The following PALM2AKAP2 variants were observed in gnomAD, a reference collection of about 807,000 sequenced individuals.
PALM2AKAP2 encodes the protein PALM2-AKAP2 fusion protein.
Under a neutral mutation model 71.5 loss-of-function variants are expected in PALM2AKAP2, and 37 were observed. The ratio of observed to expected loss-of-function variants is 0.52; its 90% CI spans 0.40 to 0.68. PALM2AKAP2 has a LOEUF of 0.68. Among genes scored for constraint, PALM2AKAP2 ranks in the 30% least tolerant of loss-of-function variants. PALM2AKAP2 has a pLI of 0.00. For synonymous variants in PALM2AKAP2, 468 were observed against 478.8 expected (o/e 0.98, Z 0.29); for missense variants, 1,224 against 1,191.8 (o/e 1.03, Z -0.40).
chr9:109,710,203 T>C (rs1378765713), intron 1 of PALM2AKAP2, among the ~76,000 whole-genome samples: 5 of 152,208 alleles, frequency 3.3e-5, no homozygotes, highest in Admixed American at 6.5e-5. Flanking sequence ...CCTCCAGAAC[T>C]GTGAGAGGAT....
intron 6 of PALM2AKAP2, among the ~76,000 whole-genome samples, chr9:109,976,802 T>C (rs1832179750): frequency 6.6e-6 from 1 of 152,002 alleles, no homozygotes; most frequent in African/African-American, 2.4e-5. Flanking sequence ...ATATGAAGAG[T>C]CTGAGGCTCA....
chr9:109,747,044 C>G (rs1828813794), intron 1 of PALM2AKAP2, among the ~76,000 whole-genome samples: 1 of 152,190 alleles, frequency 6.6e-6, no homozygotes, highest in African/African-American at 2.4e-5. Context: ...ACCATAAACA[C>G]AAGCTACTGC....
exon 2 of PALM2AKAP2, chr9:110,136,880 A>T (rs1025840684): frequency 6.2e-7 from 1 of 1,614,208 alleles, no homozygotes; most frequent in African/African-American, 1.3e-5. Flanking sequence ...TTCAGAGGAG[A>T]TGCTGGAGCT....
intron 1 of PALM2AKAP2, among the ~76,000 whole-genome samples, chr9:110,053,542 A>AAG (rs1554744077): frequency 2.6e-5 from 4 of 150,948 alleles, no homozygotes; most frequent in Non-Finnish European, 5.9e-5. Flanking sequence ...AAAAAAAAAA[A>AAG]AAAAAAGAAA....
intron 1 of PALM2AKAP2, among the ~76,000 whole-genome samples, chr9:109,812,531 G>A (rs929575710): frequency 2.0e-5 from 3 of 152,152 alleles, no homozygotes; most frequent in African/African-American, 7.2e-5. Flanking sequence ...GAAGCAAGGC[G>A]CGGCTGATGA....
intron 1 of PALM2AKAP2, among the ~76,000 whole-genome samples, chr9:110,084,422 A>G (rs370246888): frequency 6.6e-6 from 1 of 152,202 alleles, no homozygotes; most frequent in East Asian, 1.9e-4. Flanking sequence ...CAACAATGGA[A>G]AAATCACAAA....
At chr9:109,768,483 C>T (rs983645920) in intron 1 of PALM2AKAP2, among the ~76,000 whole-genome samples, 2 of 152,182 alleles carry the variant, frequency 1.3e-5, no homozygotes, top group African/African-American at 4.8e-5. Flanking sequence ...TCCAGCACCT[C>T]AAGCTTTTAT....
intron 1 of PALM2AKAP2, among the ~76,000 whole-genome samples, chr9:109,741,721 C>T (rs1053568122): frequency 1.3e-5 from 2 of 152,248 alleles, no homozygotes; most frequent in Admixed American, 6.5e-5. Flanking sequence ...AGGATTTTCT[C>T]GTAGAAACAT....
upstream of PALM2AKAP2, among the ~76,000 whole-genome samples, chr9:109,776,515 C>G (rs959518319): frequency 2.6e-5 from 4 of 152,232 alleles, no homozygotes; most frequent in Admixed American, 1.3e-4. Context: ...AAGGAATTCT[C>G]TAACATGCTC....
chr9:109,944,405 A>G (rs550196229), intron 6 of PALM2AKAP2: 3 of 152,284 alleles, frequency 2.0e-5, no homozygotes, highest in African/African-American at 2.4e-5. Flanking sequence ...AATGGTTGCC[A>G]TGATGCTCCC....
chr9:109,941,343 A>T (rs1831361307), intron 6 of PALM2AKAP2, among the ~76,000 whole-genome samples: 1 of 152,114 alleles, frequency 6.6e-6, no homozygotes, highest in Non-Finnish European at 1.5e-5. Flanking sequence ...AGAGCAGAGG[A>T]GGGCCTGGAC....
At chr9:109,846,393 G>A (rs1464136887) in intron 1 of PALM2AKAP2, among the ~76,000 whole-genome samples, 1 of 152,194 alleles carries the variant, frequency 6.6e-6, no homozygotes, top group Non-Finnish European at 1.5e-5. Flanking sequence ...ACCCTGGTAA[G>A]TGTCCAGCAT....
chr9:110,043,714 G>GTTTTTTTTTTTT (rs71492869), upstream of PALM2AKAP2, among the ~76,000 whole-genome samples: 18 of 98,400 alleles, frequency 1.8e-4, 1 homozygote, highest in African/African-American at 3.6e-4. Context: ...GTTTTTTTTG[G>GTTTTTTTTTTTT]TGTTTTTTTT....
chr9:109,962,029 A>G (rs1831860410), intron 6 of PALM2AKAP2, among the ~76,000 whole-genome samples: 1 of 152,230 alleles, frequency 6.6e-6, no homozygotes, highest in African/African-American at 2.4e-5. Flanking sequence ...CCAACATTGC[A>G]TGGGAGAGAG....
At chr9:109,757,959 T>A (rs4576484) in intron 1 of PALM2AKAP2, among the ~76,000 whole-genome samples, 125,938 of 151,752 alleles carry the variant, frequency 0.83, 52,376 homozygotes, top group Middle Eastern at 0.91. Flanking sequence ...CCACAAAAAC[T>A]GCTTTACCCA....
At chr9:109,873,682 T>G (rs1829657357) in intron 2 of PALM2AKAP2, among the ~76,000 whole-genome samples, 1 of 152,140 alleles carries the variant, frequency 6.6e-6, no homozygotes, top group African/African-American at 2.4e-5. Flanking sequence ...AAAGCCAGAA[T>G]GTGCAAGTAA....
At chr9:110,006,882 C>G (rs1832794644) in intron 6 of PALM2AKAP2, among the ~76,000 whole-genome samples, 1 of 152,078 alleles carries the variant, frequency 6.6e-6, no homozygotes, top group Non-Finnish European at 1.5e-5. Context: ...TGGCCACATC[C>G]TCAGGGAAGG....
At chr9:110,058,898 G>GGT (rs1833901624) in intron 1 of PALM2AKAP2, among the ~76,000 whole-genome samples, 1 of 111,736 alleles carries the variant, frequency 8.9e-6, no homozygotes. Flanking sequence ...AAGTTTTTTG[G>GGT]TTTTTTTTTT....
chr9:109,690,746 ACTCT>A (rs1057134190), intron 1 of PALM2AKAP2, among the ~76,000 whole-genome samples: 1 of 151,812 alleles, frequency 6.6e-6, no homozygotes, highest in Non-Finnish European at 1.5e-5. Context: ...AATTATAAAG[ACTCT>A]CTCCCTTTAT....
Sources: gnomAD v4.1 joint callset for allele counts (sites outside exome capture counted in the v4.1 genomes callset) on GRCh38, gnomAD v4.1.1 for gene constraint, MANE v1.5 for transcripts, NCBI Gene and HGNC (gene_info 2026-07-23, HGNC 2026-07-21) for gene names.